Variants in BTBD9 observed in about 807,000 individuals in gnomAD.
BTBD9 encodes the protein BTB domain containing 9, also known as BTB/POZ domain-containing protein 9.
A neutral mutation model predicts 64.3 loss-of-function variants in BTBD9; 49 were observed. The ratio of observed to expected loss-of-function variants is 0.76; its 90% CI spans 0.61 to 0.97. The LOEUF (loss-of-function observed/expected upper bound fraction) is 0.97. Among genes scored for constraint, BTBD9 ranks in the 50% least tolerant of loss-of-function variants. BTBD9 has a pLI of 0.00. For synonymous variants in BTBD9, 260 were observed against 274.7 expected, an observed-to-expected ratio of 0.95 and a Z score of 0.53; for missense variants, 598 against 762.1, an observed-to-expected ratio of 0.78 and a Z score of 2.53.
At chr6:38,283,116 T>C (rs1369159852) in intron 8 of BTBD9, among the ~76,000 whole-genome samples, 1 of 152,148 alleles carries the variant, frequency 6.6e-6, no homozygotes, top group Non-Finnish European at 1.5e-5. Flanking sequence ...CTTTCTAGTA[T>C]ACCACAGGAT....
At chr6:38,603,539 C>CAA (rs1777328910) in intron 1 of BTBD9, among the ~76,000 whole-genome samples, 1 of 152,214 alleles carries the variant, frequency 6.6e-6, no homozygotes, top group African/African-American at 2.4e-5. Flanking sequence ...ACCCAAACAT[C>CAA]AATTTCTTTA....
chr6:38,279,938 G>A (rs970358917), intron 8 of BTBD9, among the ~76,000 whole-genome samples: 1 of 152,104 alleles, frequency 6.6e-6, no homozygotes, highest in African/African-American at 2.4e-5. Context: ...TACTTGCCAA[G>A]TTCTCCAATC....
chr6:38,568,964 C>T (rs1412988211), intron 6 of BTBD9, among the ~76,000 whole-genome samples: 2 of 152,174 alleles, frequency 1.3e-5, no homozygotes, highest in Non-Finnish European at 2.9e-5. Context: ...AGAAGATTGT[C>T]ATTTATGTAT....
At chr6:38,611,894 T>C (rs1024215734) in intron 1 of BTBD9, among the ~76,000 whole-genome samples, 1 of 152,196 alleles carries the variant, frequency 6.6e-6, no homozygotes, top group African/African-American at 2.4e-5. Flanking sequence ...ACAAAACCAC[T>C]TAATTATCAT....
intron 6 of BTBD9, among the ~76,000 whole-genome samples, chr6:38,507,419 C>T (rs192001856): frequency 2.0e-5 from 3 of 152,286 alleles, no homozygotes; most frequent in Admixed American, 6.5e-5. Flanking sequence ...ACCTATCTGC[C>T]TATTCTGTTT....
chr6:38,541,740 C>T (rs995370513), intron 6 of BTBD9, among the ~76,000 whole-genome samples: 29 of 151,962 alleles, frequency 1.9e-4, no homozygotes, highest in African/African-American at 6.3e-4. Context: ...CCATCTCAAA[C>T]GACAACAACA....
intron 6 of BTBD9, among the ~76,000 whole-genome samples, chr6:38,434,992 CGA>C (rs1239904675): frequency 1.3e-5 from 2 of 151,786 alleles, no homozygotes; most frequent in Non-Finnish European, 2.9e-5. Context: ...GTCGGGAGTT[CGA>C]GACCAGCCTG....
intron 6 of BTBD9, among the ~76,000 whole-genome samples, chr6:38,513,402 C>T (rs965539429): frequency 6.6e-6 from 1 of 151,378 alleles, no homozygotes; most frequent in Admixed American, 6.6e-5. Flanking sequence ...GAGCCAAGAA[C>T]GTGCCACTGC....
intron 7 of BTBD9, among the ~76,000 whole-genome samples, chr6:38,296,528 G>GT (rs1346461405): frequency 6.6e-6 from 1 of 151,878 alleles, no homozygotes; most frequent in African/African-American, 2.4e-5. Flanking sequence ...TGAAATGAAT[G>GT]TTTAACTCAC....
intron 6 of BTBD9, among the ~76,000 whole-genome samples, chr6:38,497,952 T>C (rs1324451179): frequency 6.6e-6 from 1 of 152,226 alleles, no homozygotes; most frequent in Non-Finnish European, 1.5e-5. Context: ...TTAATAAGAA[T>C]AATGTGTGTT....
At chr6:38,342,907 C>G (rs1163589475) in intron 7 of BTBD9, among the ~76,000 whole-genome samples, 1 of 152,150 alleles carries the variant, frequency 6.6e-6, no homozygotes, top group Non-Finnish European at 1.5e-5. Flanking sequence ...ATAACGAAAT[C>G]CCCCTGAACT....
chr6:38,207,259 G>A, intron 9 of BTBD9: 2 of 229,722 alleles, frequency 8.7e-6, no homozygotes, highest in South Asian at 4.4e-5. Flanking sequence ...AAAAATCTGT[G>A]TTAAAAGAAA....
At chr6:38,365,770 A>AC (rs1353533797) in intron 6 of BTBD9, among the ~76,000 whole-genome samples, 6 of 152,088 alleles carry the variant, frequency 3.9e-5, no homozygotes, top group African/African-American at 1.2e-4. Flanking sequence ...AAAAAAAAAA[A>AC]AAAAACATAC....
chr6:38,261,535 T>C (rs761151747), intron 8 of BTBD9, among the ~76,000 whole-genome samples: 20 of 152,242 alleles, frequency 1.3e-4, no homozygotes, highest in Non-Finnish European at 2.4e-4. Flanking sequence ...TTTTAACTTA[T>C]TGAGCTTGAA....
chr6:38,476,669 GGAT>G (rs1175859007), intron 6 of BTBD9, among the ~76,000 whole-genome samples: 1 of 152,050 alleles, frequency 6.6e-6, no homozygotes, highest in Non-Finnish European at 1.5e-5. Flanking sequence ...AAATAACAAA[GGAT>G]CTATTTTACT....
At chr6:38,554,930 T>C (rs1774951630) in intron 6 of BTBD9, among the ~76,000 whole-genome samples, 1 of 152,206 alleles carries the variant, frequency 6.6e-6, no homozygotes, top group Admixed American at 6.5e-5. Context: ...TCAAATGGAT[T>C]AGGAAGCTCC....
chr6:38,241,731 TGAAAA>T (rs1187306757), intron 9 of BTBD9, among the ~76,000 whole-genome samples: 2 of 152,152 alleles, frequency 1.3e-5, no homozygotes, highest in African/African-American at 4.8e-5. Context: ...CAAGGGATGG[TGAAAA>T]GAAAATGTCA....
chr6:38,571,997 A>ACAC (rs1562357354), intron 6 of BTBD9, among the ~76,000 whole-genome samples: 1 of 135,418 alleles, frequency 7.4e-6, no homozygotes, highest in Non-Finnish European at 1.7e-5. Context: ...CACACACACA[A>ACAC]AACCAAAAAC....
chr6:38,456,745 A>G (rs1769829110), intron 6 of BTBD9, among the ~76,000 whole-genome samples: 1 of 152,128 alleles, frequency 6.6e-6, no homozygotes, highest in African/African-American at 2.4e-5. Flanking sequence ...TTCTTTATAT[A>G]TTTTGGGTAT....
Sources: allele counts gnomAD v4.1 joint callset (sites outside exome capture counted in the v4.1 genomes callset), GRCh38; gene constraint gnomAD v4.1.1; transcripts MANE v1.5; gene names NCBI Gene and HGNC (gene_info 2026-07-23, HGNC 2026-07-21).